Variants in PCDHGA3 observed in about 807,000 individuals in gnomAD.
PCDHGA3 encodes protocadherin gamma subfamily A, 3.
Under a neutral mutation model 58.5 loss-of-function variants are expected in PCDHGA3, and 40 were observed. That is an observed-to-expected ratio of 0.68 (90% CI 0.53 to 0.89). The LOEUF is 0.89. PCDHGA3 is among the 40% of genes least tolerant of loss of function. PCDHGA3 has a pLI of 0.00. For synonymous variants in PCDHGA3, 530 were observed against 525.7 expected (o/e 1.01, Z -0.11); for missense variants, 1,223 against 1,195.9 (o/e 1.02, Z -0.33).
intron 1 of PCDHGA3, chr5:141,395,122 T>C (rs72790033): frequency 0.028 from 44,899 of 1,614,158 alleles, 731 homozygotes; most frequent in Non-Finnish European, 0.032. Flanking sequence ...CACCTGATCT[T>C]TCCCCAGCCC....
At position 141,344,190 on chromosome 5, in the gene PCDHGA3, G is replaced by A; in HGVS notation, c.157G>A (p.Gly53Arg). Residue 53 changes from glycine (G) to arginine (R), a missense_variant, in exon 1 of 4, where the codon GGG becomes AGG. Gly to Arg is a moderately radical substitution (Grantham distance 125, BLOSUM62 -2). Transcript: ENST00000253812. ...CGTGGGCAACATCGCTAACGACCTGGGGCTAGAGCCCCGGGAGCTGGCGGA... is the reference window on the plus strand; with the variant it reads ...CGTGGGCAACATCGCTAACGACCTGAGGCTAGAGCCCCGGGAGCTGGCGGA... ...SFVGNIANDL[G>R]LEPRELAERG... 1 of 1,613,974 alleles carries A rather than the reference G, an allele frequency of 6.2e-7. No individual in the cohort carries two copies. Among genetic ancestry groups the A allele is most frequent in the Non-Finnish European group, 8.5e-7 (1 of 1,179,880 alleles).
chr5:141,444,341 T>C (rs909401337), intron 1 of PCDHGA3, among the ~76,000 whole-genome samples: 2 of 151,892 alleles, frequency 1.3e-5, no homozygotes, highest in African/African-American at 4.8e-5. Context: ...CCAGCTAATT[T>C]TGTATTTTTA....
intron 1 of PCDHGA3, chr5:141,423,368 C>A: frequency 3.1e-6 from 5 of 1,614,200 alleles, no homozygotes; most frequent in Non-Finnish European, 4.2e-6. Context: ...GTGCTGCTGG[C>A]ACTCAGGCTG....
In PCDHGA3 at chr5:141,477,787, C is replaced by A; in HGVS notation, c.2425-17020C>A. The stretch of plus-strand genomic sequence containing the variant: ...CCAACATCAGCGTGAACATATTTGT[C>A]ACTGATCGCAATGACAATGCCCCCC... On this transcript the variant is annotated intron_variant, in intron 1 of 3. Transcript: ENST00000253812. The surrounding 1 kb of genome is among the most constrained non-coding windows in gnomAD (Gnocchi z 4.9). The A allele has an allele frequency of 6.2e-7, 1 of 1,614,092 alleles. No homozygotes were observed. The highest frequency in any genetic ancestry group is 8.5e-7 in the Non-Finnish European group (1 of 1,180,034).
In PCDHGA3 at chr5:141,490,959, C is replaced by T. The variant is rs1385897960; in HGVS notation, c.2425-3848C>T. ...TGCACCCACGGCCAGACTGGGAACA[C>T]TCAGCCCCCCAGCGTCTCCCTCGCT... On this transcript the variant is annotated intron_variant, in intron 1 of 3. Transcript: ENST00000253812. The surrounding 1 kb of genome is among the most constrained non-coding windows in gnomAD (Gnocchi z 5.4). 6.2e-7 allele frequency: 1 copy of T among 1,613,844 alleles called. No individual in the cohort carries two copies. Among genetic ancestry groups the T allele is most frequent in the South Asian group, 1.1e-5 (1 of 91,038 alleles).
rs764070772 is a variant in PCDHGA3, at chr5:141,476,415, C to T, written c.2425-18392C>T. ...CTGGATCGAGAGGAGCTGTGTGGGACACTGCCCTCTTGCACTGTAACTCTG... is the reference window on the plus strand; with the variant it reads ...CTGGATCGAGAGGAGCTGTGTGGGATACTGCCCTCTTGCACTGTAACTCTG... On this transcript the variant is annotated intron_variant, in intron 1 of 3. Transcript: ENST00000253812. This position sits in a 1 kb window ranked among gnomAD's most constrained non-coding sequence, Gnocchi z 7.6. 2.5e-6 allele frequency: 4 copies of T among 1,614,098 alleles called. No homozygotes were observed. The South Asian group carries it at 4.4e-5, about 18-fold the overall frequency.
chr5:141,360,810 G>C, intron 1 of PCDHGA3: 3 of 1,613,878 alleles, frequency 1.9e-6, no homozygotes, highest in Non-Finnish European at 2.5e-6. Context: ...AAAGTGGCAC[G>C]ACCCAAATCC....
intron 1 of PCDHGA3, chr5:141,423,222 G>A (rs760308436): frequency 1.2e-6 from 2 of 1,613,688 alleles, no homozygotes; most frequent in Non-Finnish European, 1.7e-6. Context: ...CCGTGGCTGT[G>A]GCCGACAGCA....
At position 141,489,380 on chromosome 5, in the gene PCDHGA3, A is replaced by G. The variant is rs753226956; in HGVS notation, c.2425-5427A>G. ...TCTGAGCCGGGGACGCTGGTGGGGA[A>G]TGTTGCTCAGGATCTGGGCTTAAAG... is the stretch of plus-strand genomic sequence containing the variant. On this transcript the variant is annotated intron_variant, in intron 1 of 3. Transcript: ENST00000253812. The surrounding 1 kb of genome is among the most constrained non-coding windows in gnomAD (Gnocchi z 4.5). The G allele has an allele frequency of 1.9e-6, 3 of 1,613,874 alleles. No individual in the cohort carries two copies. Among genetic ancestry groups the G allele is most frequent in the Admixed American group, 1.7e-5 (1 of 60,026 alleles).
intron 1 of PCDHGA3, chr5:141,350,184 TCACAGAAGTC>T: frequency 7.4e-7 from 1 of 1,346,586 alleles, no homozygotes; most frequent in Non-Finnish European, 9.9e-7. Flanking sequence ...TAAGCTCAAA[TCACAGAAGTC>T]CAGGGTGCTG....
Position 141,390,222 on chromosome 5 carries a change from G to A in PCDHGA3, c.2424+43765G>A, listed in dbSNP as rs758225583. The A allele has an allele frequency of 1.1e-5, 18 of 1,613,904 alleles. 1 individual carries two copies. In the Middle Eastern group the frequency reaches 9.9e-4, roughly 88 times the overall value. ...GAGTTCAGGACAAGACATACTTTGC[G>A]GTGATTCATCTGGGGCCTTATTTCC... On this transcript the variant is annotated intron_variant, in intron 1 of 3. Transcript: ENST00000253812.
chr5:141,381,826 C>CTTTTTTTTTTTTTTTTTTTTTTTTTTTTT (rs770630741), intron 1 of PCDHGA3, among the ~76,000 whole-genome samples: 16 of 74,292 alleles, frequency 2.2e-4, no homozygotes, highest in Admixed American at 5.8e-4. Context: ...CTTTCTTCTT[C>CTTTTTTTTTTTTTTTTTTTTTTTTTTTTT]TTTTTTTTTT....
At chr5:141,504,785 G>A (rs1439244687) in intron 2 of PCDHGA3, among the ~76,000 whole-genome samples, 1 of 151,964 alleles carries the variant, frequency 6.6e-6, no homozygotes, top group East Asian at 1.9e-4. Context: ...GTCTCTTGGG[G>A]CCTCCTACAT....
chr5:141,438,368 G>A (rs1216571092), intron 1 of PCDHGA3, among the ~76,000 whole-genome samples: 2 of 151,558 alleles, frequency 1.3e-5, no homozygotes, highest in African/African-American at 4.8e-5. Context: ...GTCATTGAGG[G>A]CAGATATAAT....
intron 1 of PCDHGA3, chr5:141,356,118 T>C: frequency 6.2e-7 from 1 of 1,613,582 alleles, no homozygotes; most frequent in Non-Finnish European, 8.5e-7. Flanking sequence ...TATTGGGGGG[T>C]CTAGATTATG....
chr5:141,394,529 C>T, intron 1 of PCDHGA3: 2 of 1,614,216 alleles, frequency 1.2e-6, no homozygotes, highest in Non-Finnish European at 8.5e-7. Flanking sequence ...CAGACGGTTC[C>T]ACTGGCGTGG....
chr5:141,484,647 G>C (rs556711906), intron 1 of PCDHGA3, among the ~76,000 whole-genome samples: 1 of 151,948 alleles, frequency 6.6e-6, no homozygotes, highest in African/African-American at 2.4e-5. Context: ...CTCTCCAATG[G>C]CTACTCTCCC....
Position 141,485,183 on chromosome 5 carries a change from A to C in PCDHGA3, c.2425-9624A>C, listed in dbSNP as rs777796801. On this transcript the variant is annotated intron_variant, in intron 1 of 3. Transcript: ENST00000253812. This position sits in a 1 kb window ranked among gnomAD's most constrained non-coding sequence, Gnocchi z 5.7. ...TTAGCGGGCGGCAGCAATGCTCCGC[A>C]AGGTGAGAAGCTGGACAGAAATCTG... 1.9e-6 allele frequency: 3 copies of C among 1,613,248 alleles called. No individual in the cohort carries two copies. The highest frequency in any genetic ancestry group is 3.3e-5 in the Admixed American group (2 of 60,006).
In PCDHGA3 at chr5:141,477,532, C is replaced by T. The variant is rs754570150; in HGVS notation, c.2425-17275C>T. On this transcript the variant is annotated intron_variant, in intron 1 of 3. Transcript: ENST00000253812. This position sits in a 1 kb window ranked among gnomAD's most constrained non-coding sequence, Gnocchi z 4.9. ...TTTACATTGAAGAAAACAACCTCCC[C>T]GGGGCTCCAATACTAAACCTAAGTG... 2.5e-6 allele frequency: 4 copies of T among 1,614,028 alleles called. No individual in the cohort carries two copies. Among genetic ancestry groups the T allele is most frequent in the Admixed American group, 1.7e-5 (1 of 60,000 alleles).
Sources: gnomAD v4.1 joint callset for allele counts (sites outside exome capture counted in the v4.1 genomes callset) on GRCh38, gnomAD v4.1.1 for gene constraint, Gnocchi (gnomAD v3.1) non-coding constraint, MANE v1.5 for transcripts, NCBI Gene and HGNC (gene_info 2026-07-23, HGNC 2026-07-21) for gene names.